LY86: variants seen among roughly 807,000 people sequenced by gnomAD.
LY86 encodes the protein lymphocyte antigen 86.
Under a neutral mutation model 17.3 loss-of-function variants are expected in LY86, and 20 were observed. That is an observed-to-expected ratio of 1.15 (90% CI 0.81 to 1.68). The LOEUF (loss-of-function observed/expected upper bound fraction) is 1.68, where lower values mean the gene tolerates loss of function less well. LY86 is among the 40% of genes most tolerant of loss of function. LY86 has a pLI of 0.00. For missense variants in LY86, 200 were observed against 191.9 expected, an observed-to-expected ratio of 1.04 and a Z score of -0.25; for synonymous variants, 74 against 70.6, an observed-to-expected ratio of 1.05 and a Z score of -0.24.
intron 1 of LY86, among the ~76,000 whole-genome samples, chr6:6,589,750 CTCT>C (rs200388686): frequency 0.016 from 2,354 of 151,496 alleles, 53 homozygotes; most frequent in African/African-American, 0.054. Flanking sequence ...TCCTCATCTC[CTCT>C]TCTTATAAGT....
intron 2 of LY86, 74 bp downstream of exon 2, chr6:6,625,086 A>T: frequency 1.5e-6 from 1 of 654,316 alleles, no homozygotes; most frequent in Non-Finnish European, 2.7e-6. Flanking sequence ...CCAATGACTT[A>T]TGTTAACTGT....
At position 6,610,543 on chromosome 6, in the gene LY86, A is replaced by G. The variant is rs112679306; in HGVS notation, c.137-14383A>G. Among the ~76,000 whole-genome samples the G allele has an allele frequency of 2.3e-3, 245 of 108,760 alleles. 4 individuals carry two copies. The highest frequency in any genetic ancestry group is 0.021 in the Admixed American group (227 of 10,912). The allele number at this position is 108,760 out of a possible 152,430, so 71.4% of individuals were successfully genotyped here. On this transcript the variant is annotated intron_variant, in intron 1 of 4. Transcript: ENST00000230568. ...TTTACAAGTGAAGAAACGGAAGCTT[A>G]GGGGGGGGCAAGGTGAGTGCTAGCT...
intron 1 of LY86, among the ~76,000 whole-genome samples, chr6:6,590,701 G>T (rs958352042): frequency 3.8e-4 from 58 of 152,162 alleles, no homozygotes; most frequent in Non-Finnish European, 4.3e-4. Flanking sequence ...GGAGATGGGG[G>T]CAAAATGCCG....
At chr6:6,598,506 T>G (rs1760788697) in intron 1 of LY86, among the ~76,000 whole-genome samples, 2 of 152,222 alleles carry the variant, frequency 1.3e-5, no homozygotes, top group Admixed American at 1.3e-4. Flanking sequence ...AGGTTTTGAC[T>G]TACCAACCAA....
chr6:6,611,922 G>C (rs933280851), intron 1 of LY86, among the ~76,000 whole-genome samples: 1 of 152,130 alleles, frequency 6.6e-6, no homozygotes, highest in African/African-American at 2.4e-5. Flanking sequence ...GCTGTGTTCT[G>C]CCAGCTGCTC....
At chr6:6,611,509 C>T (rs528093583) in intron 1 of LY86, among the ~76,000 whole-genome samples, 1 of 152,322 alleles carries the variant, frequency 6.6e-6, no homozygotes, top group Admixed American at 6.5e-5. Flanking sequence ...TTACACTCAT[C>T]TGTAATTACT....
At chr6:6,650,082 G>A (rs563693774) in intron 4 of LY86, among the ~76,000 whole-genome samples, 21 of 152,228 alleles carry the variant, frequency 1.4e-4, no homozygotes, top group African/African-American at 3.6e-4. Context: ...GGAGGCTGGC[G>A]GTTCAGAGAA....
chr6:6,599,602 G>A (rs1760834299), intron 1 of LY86, among the ~76,000 whole-genome samples: 1 of 152,244 alleles, frequency 6.6e-6, no homozygotes, highest in Non-Finnish European at 1.5e-5. Context: ...GCTGTCACAT[G>A]ACGACCTATT....
chr6:6,602,632 C>A (rs543975317), intron 1 of LY86, among the ~76,000 whole-genome samples: 1 of 152,142 alleles, frequency 6.6e-6, no homozygotes, highest in African/African-American at 2.4e-5. Context: ...AAGAAGCCAG[C>A]GCAGGCCACC....
chr6:6,636,921 G>C (rs1310731385), intron 3 of LY86, among the ~76,000 whole-genome samples: 1 of 146,834 alleles, frequency 6.8e-6, no homozygotes, highest in Non-Finnish European at 1.5e-5. Flanking sequence ...ACTAAAAGCA[G>C]TAGCCACCCT....
chr6:6,624,626 A>G (rs1003270416), intron 1 of LY86, among the ~76,000 whole-genome samples: 4 of 152,222 alleles, frequency 2.6e-5, no homozygotes, highest in Non-Finnish European at 5.9e-5. Flanking sequence ...AAAAAAATTC[A>G]GGCAATGATA....
At chr6:6,611,408 CTT>C (rs1362192594) in intron 1 of LY86, among the ~76,000 whole-genome samples, 1 of 152,234 alleles carries the variant, frequency 6.6e-6, no homozygotes, top group Non-Finnish European at 1.5e-5. Context: ...TAGCATCTCT[CTT>C]AAGGCTTTTG....
intron 4 of LY86, among the ~76,000 whole-genome samples, chr6:6,650,882 T>C (rs1247710561): frequency 6.6e-6 from 1 of 152,096 alleles, no homozygotes; most frequent in Non-Finnish European, 1.5e-5. Context: ...CCTCTCATCC[T>C]CTCCCTCCCC....
chr6:6,605,894 A>C (rs956818184), intron 1 of LY86, among the ~76,000 whole-genome samples: 1 of 128,994 alleles, frequency 7.8e-6, no homozygotes, highest in Non-Finnish European at 1.5e-5. Flanking sequence ...GTGGGTTCTT[A>C]GTCTCGCTGG....
At chr6:6,603,603 C>CAACAAAAAAAAAAAAAAAAAAAAAA (rs1207511602) in intron 1 of LY86, among the ~76,000 whole-genome samples, 4 of 70,460 alleles carry the variant, frequency 5.7e-5, no homozygotes, top group Admixed American at 3.0e-4. Flanking sequence ...AAAACAGAAA[C>CAACAAAAAAAAAAAAAAAAAAAAAA]AGAAAAAAAA....
At chr6:6,614,295 T>C (rs1034822618) in intron 1 of LY86, among the ~76,000 whole-genome samples, 1 of 152,186 alleles carries the variant, frequency 6.6e-6, no homozygotes, top group Non-Finnish European at 1.5e-5. Context: ...GAGGTAAAGC[T>C]TATTCGGCTA....
intron 1 of LY86, chr6:6,621,511 C>G (rs980596927): frequency 1.3e-5 from 2 of 152,146 alleles, no homozygotes; most frequent in Non-Finnish European, 2.9e-5. Flanking sequence ...GTGATCGCCA[C>G]CAGGGGTGAG....
intron 1 of LY86, among the ~76,000 whole-genome samples, chr6:6,611,962 T>G (rs1323631284): frequency 6.6e-6 from 1 of 152,214 alleles, no homozygotes; most frequent in Non-Finnish European, 1.5e-5. Context: ...CCAAGCAATC[T>G]ACTTGAAAGG....
intron 1 of LY86, among the ~76,000 whole-genome samples, chr6:6,615,482 G>A (rs1403962775): frequency 2.0e-5 from 3 of 152,196 alleles, no homozygotes; most frequent in African/African-American, 7.2e-5. Context: ...AGCACTTTGG[G>A]AGGCCGAAAC....
Sources: gnomAD v4.1 joint callset for allele counts (sites outside exome capture counted in the v4.1 genomes callset) on GRCh38, gnomAD v4.1.1 for gene constraint, MANE v1.5 for transcripts, NCBI Gene and HGNC (gene_info 2026-07-23, HGNC 2026-07-21) for gene names.